The following C4BPA variants were observed in gnomAD, a reference collection of about 807,000 sequenced individuals.
The protein encoded by C4BPA is C4b-binding protein alpha chain.
C4BPA carries 31 observed loss-of-function variants against 63.7 expected under a neutral mutation model. That is an observed-to-expected ratio of 0.49 (90% CI 0.37 to 0.66). The LOEUF (loss-of-function observed/expected upper bound fraction) is 0.66, where lower values mean the gene tolerates loss of function less well. Ranked by LOEUF, C4BPA falls within the 30% of genes least tolerant of loss-of-function variation. C4BPA has a pLI of 0.00. For missense variants in C4BPA, 572 were observed against 723.3 expected (o/e 0.79, Z 2.40); for synonymous variants, 259 against 254.7 (o/e 1.02, Z -0.16).
At chr1:207,121,433 T>C (rs2102338300) in intron 4 of C4BPA, among the ~76,000 whole-genome samples, 1 of 121,666 alleles carries the variant, frequency 8.2e-6, no homozygotes, top group South Asian at 3.4e-4. Flanking sequence ...ATATTAAAAT[T>C]ATTATCTTTG....
chr1:207,142,907 C>A (rs1454559372), intron 10 of C4BPA, among the ~76,000 whole-genome samples: 1 of 151,964 alleles, frequency 6.6e-6, no homozygotes, highest in African/African-American at 2.4e-5. Context: ...ATTAGTTCAA[C>A]CATTGTGGAA....
At chr1:207,118,110 T>A (rs1018610703) in intron 4 of C4BPA, among the ~76,000 whole-genome samples, 2 of 29,056 alleles carry the variant, frequency 6.9e-5, no homozygotes, top group Non-Finnish European at 2.5e-4. Context: ...GTAACTAGTT[T>A]ATCTATCATC....
At chr1:207,133,829 A>T (rs1685218682) in intron 8 of C4BPA, among the ~76,000 whole-genome samples, 2 of 152,120 alleles carry the variant, frequency 1.3e-5, no homozygotes, top group Non-Finnish European at 1.5e-5. Flanking sequence ...AGTAATTTAA[A>T]TTTTTTCGTA....
At chr1:207,131,841 A>T (rs762678725) in intron 8 of C4BPA, 101 bp downstream of exon 8, 6 of 797,902 alleles carry the variant, frequency 7.5e-6, no homozygotes, top group Non-Finnish European at 1.2e-5. Context: ...CAACAAGTTT[A>T]GAATTAAGTT....
chr1:207,116,717 T>C lies in C4BPA; in HGVS notation c.428+1202T>C, dbSNP rs555602475. Among the ~76,000 whole-genome samples, 6 of 152,276 alleles carry C rather than the reference T, an allele frequency of 3.9e-5. No homozygotes were observed. The East Asian group carries it at 1.2e-3, about 29-fold the overall frequency. ...TAAGGTTTAAAAAAAATCGCCTATA[T>C]TTCCTCTACTTCTTTTATATTTTCA... On this transcript the variant is annotated intron_variant, in intron 4 of 11. Transcript: ENST00000367070.
chr1:207,124,919 G>A (rs746962851), intron 6 of C4BPA, among the ~76,000 whole-genome samples: 19 of 152,190 alleles, frequency 1.2e-4, no homozygotes, highest in Non-Finnish European at 1.6e-4. Flanking sequence ...GCCTTGGTCT[G>A]TTCAAGAAGC....
chr1:207,124,276 C>T lies in C4BPA; in HGVS notation c.616C>T (p.Arg206Cys), dbSNP rs201003117. 72 of 1,613,746 alleles carry T rather than the reference C, an allele frequency of 4.5e-5. No homozygotes were observed. Among genetic ancestry groups the T allele is most frequent in the East Asian group, 6.7e-5 (3 of 44,874 alleles). ...GFSVTYSCDP[R>C]FSLLGHASIS... Reference sequence around the variant, plus strand: ...TTCTGTCACCTACAGCTGTGACCCCCGCTTCTCACTCTTGGGCCATGCCTC... The same window carrying T: ...TTCTGTCACCTACAGCTGTGACCCCTGCTTCTCACTCTTGGGCCATGCCTC... The change falls in exon 6 of 12, where the codon CGC becomes TGC. Residue 206 changes from arginine to cysteine, a missense_variant. Arg to Cys is a radical substitution (Grantham distance 180). Transcript: ENST00000367070.
In C4BPA at chr1:207,134,486, T is replaced by C. The variant is rs201788128; in HGVS notation, c.1167T>C (p.Tyr389=). Residue 389 remains tyrosine, a synonymous_variant, in exon 9 of 12, where the codon TAT becomes TAC. Transcript: ENST00000367070. ...RKSRPANHCV[Y]FYGDEISFSC... ...GTCGTCCTGCCAATCACTGTGTTTA[T>C]TTCTATGGAGATGAGATTTCATTTT... is the stretch of plus-strand genomic sequence containing the variant. 6.2e-7 allele frequency: 1 copy of C among 1,613,830 alleles called. No homozygotes were observed. The highest frequency in any genetic ancestry group is 8.5e-7 in the Non-Finnish European group (1 of 1,179,692).
At chr1:207,121,304 A>G (rs913447891) in intron 4 of C4BPA, among the ~76,000 whole-genome samples, 1 of 152,172 alleles carries the variant, frequency 6.6e-6, no homozygotes, top group African/African-American at 2.4e-5. Flanking sequence ...AATTGCTGCT[A>G]CATACATATT....
chr1:207,116,522 G>A lies in C4BPA; in HGVS notation c.428+1007G>A, dbSNP rs889188074. 5.8e-3 allele frequency among the ~76,000 whole-genome samples: 792 copies of A among 135,968 alleles called. 12 individuals carry two copies. Among genetic ancestry groups the A allele is most frequent in the African/African-American group, 0.024 (750 of 30,902 alleles). The allele number at this position is 135,968 out of a possible 152,430, so 89.2% of individuals were successfully genotyped here. A position where few individuals can be genotyped will look rare whatever the true frequency, so the allele number is the denominator to read the frequency against. Reference sequence around the variant, plus strand: ...TGTGTGTGTGTGTGTGTATATGTGTGTGTGTGTGTGTGTGTGTGTGTGTGT... The same window carrying A: ...TGTGTGTGTGTGTGTGTATATGTGTATGTGTGTGTGTGTGTGTGTGTGTGT... On this transcript the variant is annotated intron_variant, in intron 4 of 11. Coordinates refer to ENST00000367070, the MANE Select transcript of C4BPA (RefSeq NM_000715.4).
In C4BPA at chr1:207,144,537, C is replaced by T. The variant is rs1553257833; in HGVS notation, c.1621-7C>T. ...TCTCAATCACACCCACCACTTATATCTTTTAGGAGACCCCCGAAGGCTGTG... is the reference window on the plus strand; with the variant it reads ...TCTCAATCACACCCACCACTTATATTTTTTAGGAGACCCCCGAAGGCTGTG... On this transcript the variant is annotated splice_polypyrimidine_tract_variant and splice_region_variant and intron_variant, in intron 11 of 11. Transcript: ENST00000367070. 6.3e-7 allele frequency: 1 copy of T among 1,596,572 alleles called. No homozygotes were observed. The highest frequency in any genetic ancestry group is 1.1e-5 in the South Asian group (1 of 88,786).
chr1:207,123,696 T>C (rs567901216), intron 4 of C4BPA, among the ~76,000 whole-genome samples: 1 of 152,276 alleles, frequency 6.6e-6, no homozygotes, highest in African/African-American at 2.4e-5. Flanking sequence ...TGATCCCTAG[T>C]AGATGCTCAG....
intron 6 of C4BPA, 118 bp downstream of exon 6, chr1:207,124,484 C>T (rs1684993635): frequency 4.2e-6 from 3 of 722,752 alleles, no homozygotes; most frequent in Non-Finnish European, 6.8e-6. Flanking sequence ...AACTATCGCT[C>T]TGATGCAATC....
intron 8 of C4BPA, 43 bp from the exon 9 acceptor site, chr1:207,134,361 A>G: frequency 2.1e-6 from 3 of 1,442,276 alleles, no homozygotes; most frequent in Non-Finnish European, 2.9e-6. Flanking sequence ...AAGCTTCCTC[A>G]TGGTGATTTT....
intron 4 of C4BPA, among the ~76,000 whole-genome samples, chr1:207,120,638 T>C (rs1362640195): frequency 1.3e-5 from 2 of 152,082 alleles, no homozygotes; most frequent in Non-Finnish European, 2.9e-5. Flanking sequence ...ATAAAAGAAA[T>C]AAAAAGACTT....
chr1:207,126,933 T>A (rs771343239), intron 7 of C4BPA, 38 bp downstream of exon 7: 75 of 1,541,082 alleles, frequency 4.9e-5, no homozygotes, highest in Non-Finnish European at 6.7e-5. Flanking sequence ...ATGTTTGGCA[T>A]CTAAAGGTAC....
At chr1:207,135,344 A>G (rs1415983331) in intron 9 of C4BPA, among the ~76,000 whole-genome samples, 9 of 147,226 alleles carry the variant, frequency 6.1e-5, no homozygotes, top group African/African-American at 2.2e-4. Context: ...TCCCAAAAAG[A>G]AAAAAAAAAG....
chr1:207,141,891 T>G (rs1685423351), intron 10 of C4BPA, among the ~76,000 whole-genome samples: 1 of 152,212 alleles, frequency 6.6e-6, no homozygotes, highest in Non-Finnish European at 1.5e-5. Flanking sequence ...CATTGTTTCT[T>G]TTGTACACAG....
chr1:207,118,235 CT>C lies in C4BPA; in HGVS notation c.428+2721del, dbSNP rs202049629. ...TCTGTCTATCTATCTATCTATCTAT[CT>C]ATCTATCTATCATCTATCTACTATT... On this transcript the variant is annotated intron_variant, in intron 4 of 11. Transcript: ENST00000367070. Among the ~76,000 whole-genome samples, 10 of 148,162 alleles carry C rather than the reference CT, an allele frequency of 6.7e-5. No individual in the cohort carries two copies. In the South Asian group the frequency reaches 1.9e-3, roughly 28 times the overall value.
Sources: allele counts gnomAD v4.1 joint callset (sites outside exome capture counted in the v4.1 genomes callset), GRCh38; gene constraint gnomAD v4.1.1; transcripts MANE v1.5; gene names NCBI Gene and HGNC (gene_info 2026-07-23, HGNC 2026-07-21).